Variants in VPS41 observed in about 807,000 individuals in gnomAD.
The protein encoded by VPS41 is VPS41 subunit of HOPS complex.
VPS41 carries 85 observed loss-of-function variants against 130.9 expected under a neutral mutation model. That is an observed-to-expected ratio of 0.65 (90% CI 0.55 to 0.78). The LOEUF (loss-of-function observed/expected upper bound fraction) is 0.78. Ranked by LOEUF, VPS41 falls within the 30% of genes least tolerant of loss-of-function variation. VPS41 has a pLI of 0.00. For synonymous variants in VPS41, 335 were observed against 332.9 expected, an observed-to-expected ratio of 1.01 and a Z score of -0.07; for missense variants, 874 against 1,018.7, an observed-to-expected ratio of 0.86 and a Z score of 1.93.
chr7:38,836,160 A>G (rs1200816685), intron 4 of VPS41, among the ~76,000 whole-genome samples: 1 of 151,652 alleles, frequency 6.6e-6, no homozygotes, highest in Non-Finnish European at 1.5e-5. Flanking sequence ...ATGTTTCCCC[A>G]TTTCATTTTT....
intron 10 of VPS41, among the ~76,000 whole-genome samples, chr7:38,780,401 G>A (rs867740474): frequency 1.0e-4 from 15 of 147,864 alleles, no homozygotes; most frequent in African/African-American, 3.5e-4. Context: ...GATGGAGGTG[G>A]AAGGACTTCT....
chr7:38,759,829 G>A (rs1039748462), intron 17 of VPS41, among the ~76,000 whole-genome samples: 2 of 152,074 alleles, frequency 1.3e-5, no homozygotes, highest in African/African-American at 4.8e-5. Context: ...GCTGCTGGGT[G>A]CAACTGGTTA....
intron 4 of VPS41, among the ~76,000 whole-genome samples, chr7:38,850,086 T>C (rs191546929): frequency 2.3e-4 from 35 of 152,338 alleles, no homozygotes; most frequent in Admixed American, 1.2e-3. Flanking sequence ...GCCCACAGAC[T>C]AGCAGACATT....
chr7:38,789,798 T>C lies in VPS41; in HGVS notation c.784+3A>G, dbSNP rs562912877. 26 of 1,613,478 alleles carry C rather than the reference T, an allele frequency of 1.6e-5. No homozygotes were observed. In the South Asian group the frequency reaches 2.4e-4, roughly 15 times the overall value. On this transcript the variant is annotated splice_donor_region_variant and intron_variant, in intron 10 of 28. Transcript: ENST00000310301. ...CCACAGAAGGCAAGTGTTGGAGCCA[T>C]ACCTATTTCAACATATCGACTTGGC...
At chr7:38,842,322 C>A (rs928313184) in intron 4 of VPS41, among the ~76,000 whole-genome samples, 2 of 152,160 alleles carry the variant, frequency 1.3e-5, no homozygotes, top group African/African-American at 4.8e-5. Flanking sequence ...CCCCGACACA[C>A]GCTCGTCTTC....
intron 10 of VPS41, among the ~76,000 whole-genome samples, chr7:38,789,374 G>A (rs565855587): frequency 1.4e-4 from 22 of 152,120 alleles, no homozygotes; most frequent in African/African-American, 4.8e-4. Context: ...AGGTCCAGTG[G>A]CTTTCCCAGT....
intron 11 of VPS41, 48 bp from the exon 12 acceptor site, chr7:38,774,292 T>A (rs186892791): frequency 6.7e-7 from 1 of 1,492,536 alleles, no homozygotes. Context: ...CATTTCTATA[T>A]ATCATACAAA....
chr7:38,841,711 C>T (rs1002953950), intron 4 of VPS41, among the ~76,000 whole-genome samples: 3 of 152,244 alleles, frequency 2.0e-5, no homozygotes, highest in African/African-American at 7.2e-5. Flanking sequence ...TCAAGCAATT[C>T]TCCTGCCTCA....
chr7:38,750,739 G>A (rs1246292498), intron 22 of VPS41, among the ~76,000 whole-genome samples: 3 of 152,190 alleles, frequency 2.0e-5, no homozygotes, highest in Admixed American at 2.0e-4. Flanking sequence ...CATAAAGTGT[G>A]TGAGAGATAT....
chr7:38,812,487 G>C (rs548574910), intron 7 of VPS41, among the ~76,000 whole-genome samples: 17 of 152,238 alleles, frequency 1.1e-4, no homozygotes, highest in Non-Finnish European at 2.2e-4. Flanking sequence ...GCAACAGGCA[G>C]TGATCTCTTA....
intron 4 of VPS41, among the ~76,000 whole-genome samples, chr7:38,862,079 T>C (rs1057208914): frequency 6.6e-6 from 1 of 152,224 alleles, no homozygotes; most frequent in Non-Finnish European, 1.5e-5. Flanking sequence ...AGGGAGTTCA[T>C]ACTTTAAGGA....
rs150389637 is a variant in VPS41, at chr7:38,795,589, A to T, written c.593T>A (p.Ile198Asn). The T allele has an allele frequency of 6.2e-7, 1 of 1,611,914 alleles. No homozygotes were observed. The highest frequency in any genetic ancestry group is 8.5e-7 in the Non-Finnish European group (1 of 1,178,866). The change falls in exon 9 of 29, where the codon ATC becomes AAC. Residue 198 changes from isoleucine (I) to asparagine (N), a missense_variant. By Grantham distance (149) the Ile-to-Asn change is moderately radical. Transcript: ENST00000310301. ...CACATTGGTGATTCTTTGCTTTGAG[A>T]TGATGTCAAAAATCTTCACACCCTG... ...NNMGVKIFDI[I>N]SKQRITNVPR...
intron 4 of VPS41, among the ~76,000 whole-genome samples, chr7:38,830,638 T>G (rs554579073): frequency 5.9e-5 from 9 of 152,232 alleles, no homozygotes; most frequent in African/African-American, 2.2e-4. Context: ...TCAGATCAAG[T>G]AGGCAAAGGT....
chr7:38,802,258 C>T (rs35916719), intron 7 of VPS41, among the ~76,000 whole-genome samples: 7,644 of 152,234 alleles, frequency 0.05, 261 homozygotes, highest in Non-Finnish European at 0.074. Flanking sequence ...CTGCAGAAGG[C>T]TCTCTGGATT....
intron 2 of VPS41, among the ~76,000 whole-genome samples, chr7:38,885,901 T>G (rs566642326): frequency 6.6e-6 from 1 of 151,890 alleles, no homozygotes; most frequent in East Asian, 1.9e-4. Context: ...AAGACATAAC[T>G]CACTGGATGG....
Position 38,848,922 on chromosome 7 carries a change from G to C in VPS41, c.246+13623C>G, listed in dbSNP as rs547088825. Among the ~76,000 whole-genome samples, 8 of 152,256 alleles carry C rather than the reference G, an allele frequency of 5.3e-5. No individual in the cohort carries two copies. In the East Asian group the frequency reaches 1.5e-3, roughly 29 times the overall value. On this transcript the variant is annotated intron_variant, in intron 4 of 28. Coordinates refer to ENST00000310301, the MANE Select transcript of VPS41 (RefSeq NM_014396.4). ...GGTCAAGGGCTGGACAGGAGCTAAGGAAAGAAAATGGGAAATCAGTAGGTT... is the reference window on the plus strand; with the variant it reads ...GGTCAAGGGCTGGACAGGAGCTAAGCAAAGAAAATGGGAAATCAGTAGGTT...
chr7:38,728,758 C>G lies in VPS41; in HGVS notation c.2293G>C (p.Val765Leu), dbSNP rs199884913. Reference sequence around the variant, plus strand: ...TTCAGTAAGGACAAAGAGTCAGCTACGAGAATCTTCTTGCAGCCTTCACGA... The same window carrying G: ...TTCAGTAAGGACAAAGAGTCAGCTAGGAGAATCTTCTTGCAGCCTTCACGA... ...LLREGCKKIL[V>L]ADSLSLLKKM... Residue 765 changes from valine (V) to leucine (L), a missense_variant, in exon 26 of 29, where the codon GTA becomes CTA. Coordinates refer to ENST00000310301, the MANE Select transcript of VPS41 (RefSeq NM_014396.4). 6.2e-7 allele frequency: 1 copy of G among 1,614,104 alleles called. No individual in the cohort carries two copies. Among genetic ancestry groups the G allele is most frequent in the Non-Finnish European group, 8.5e-7 (1 of 1,180,002 alleles).
At chr7:38,830,400 T>C (rs1170001509) in intron 4 of VPS41, 72 bp from the exon 5 acceptor site, 3 of 924,474 alleles carry the variant, frequency 3.2e-6, no homozygotes, top group Non-Finnish European at 5.4e-6. Context: ...GTCTTTGCTC[T>C]TTGTAAAATA....
chr7:38,741,709 T>C (rs944526862), intron 25 of VPS41, among the ~76,000 whole-genome samples: 5 of 152,196 alleles, frequency 3.3e-5, no homozygotes, highest in Admixed American at 2.0e-4. Flanking sequence ...ACCATACAAA[T>C]GTAAGAATGT....
Sources: allele counts gnomAD v4.1 joint callset (sites outside exome capture counted in the v4.1 genomes callset), GRCh38; gene constraint gnomAD v4.1.1; transcripts MANE v1.5; gene names NCBI Gene and HGNC (gene_info 2026-07-23, HGNC 2026-07-21).